CCDC57: variants seen among roughly 807,000 people sequenced by gnomAD.
CCDC57 encodes coiled-coil domain-containing protein 57.
In CCDC57, 118 loss-of-function variants were observed where a neutral mutation model predicts 118.9. That is an observed-to-expected ratio of 0.99 (90% CI 0.86 to 1.16). CCDC57 has a LOEUF of 1.16. Ranked by LOEUF, CCDC57 falls within the 50% of genes most tolerant of loss-of-function variation. CCDC57 has a pLI of 0.00. For missense variants in CCDC57, 1,300 were observed against 1,320.7 expected (o/e 0.98, Z 0.24); for synonymous variants, 527 against 532.9 (o/e 0.99, Z 0.15).
intron 2 of CCDC57, among the ~76,000 whole-genome samples, chr17:82,202,457 C>CA (rs1264175436): frequency 1.6e-4 from 23 of 143,756 alleles, no homozygotes; most frequent in East Asian, 8.4e-4. Context: ...ACAAAATAAA[C>CA]AAAAAAAAAA....
chr17:82,128,477 G>T lies in CCDC57; in HGVS notation c.2682+16C>A. On this transcript the variant is annotated intron_variant, in intron 18 of 19. Coordinates refer to ENST00000665763, the Ensembl canonical transcript of CCDC57. ...ACCCCACACAGCTGCACTTGCTCGGGCGCCGCCACTCTCACCTTCGGGCCT... is the reference window on the plus strand; with the variant it reads ...ACCCCACACAGCTGCACTTGCTCGGTCGCCGCCACTCTCACCTTCGGGCCT... The T allele has an allele frequency of 6.5e-7, 1 of 1,532,396 alleles. No individual in the cohort carries two copies. The highest frequency in any genetic ancestry group is 8.8e-7 in the Non-Finnish European group (1 of 1,132,422). 94.9% of individuals were successfully genotyped at this position (1,532,396 alleles called of 1,614,324 possible).
chr17:82,209,163 A>G (rs2049999162), intron 1 of CCDC57, among the ~76,000 whole-genome samples: 1 of 152,182 alleles, frequency 6.6e-6, no homozygotes, highest in South Asian at 2.1e-4. Context: ...GATGGGCAGT[A>G]GGTCTGAATT....
At chr17:82,128,447 GCCACACC>G in intron 18 of CCDC57, 39 bp downstream of exon 17, 1 of 1,396,038 alleles carries the variant, frequency 7.2e-7, no homozygotes, top group Non-Finnish European at 9.8e-7. Flanking sequence ...TTCCCTGCTG[GCCACACC>G]CCACACAGCT....
intron 13 of CCDC57, among the ~76,000 whole-genome samples, chr17:82,171,352 G>A (rs2044699027): frequency 6.8e-6 from 1 of 147,258 alleles, no homozygotes; most frequent in African/African-American, 2.5e-5. Flanking sequence ...CACCAAAACA[G>A]GGAGGGCTGA....
intron 19 of CCDC57, among the ~76,000 whole-genome samples, chr17:82,120,488 C>T (rs926779480): frequency 9.2e-5 from 14 of 152,256 alleles, no homozygotes; most frequent in Non-Finnish European, 1.9e-4. Flanking sequence ...AGTGTCGCAT[C>T]TTAACCAGAA....
At chr17:82,139,161 A>G (rs2039688930) in intron 16 of CCDC57, among the ~76,000 whole-genome samples, 1 of 152,218 alleles carries the variant, frequency 6.6e-6, no homozygotes, top group Non-Finnish European at 1.5e-5. Flanking sequence ...GGCATCTTTG[A>G]AAACAGCGTC....
chr17:82,208,637 G>C (rs761056759), intron 1 of CCDC57, among the ~76,000 whole-genome samples: 2 of 151,874 alleles, frequency 1.3e-5, no homozygotes, highest in Non-Finnish European at 2.9e-5. Context: ...CAGGACAGAG[G>C]ACTCAATCTC....
At chr17:82,206,473 G>A (rs570367461) in intron 2 of CCDC57, among the ~76,000 whole-genome samples, 3 of 152,260 alleles carry the variant, frequency 2.0e-5, no homozygotes, top group East Asian at 1.9e-4. Flanking sequence ...CCTCTACCCT[G>A]GGGGAAGGAA....
intron 16 of CCDC57, among the ~76,000 whole-genome samples, chr17:82,148,793 T>TG (rs1362111674): frequency 1.1e-4 from 2 of 18,400 alleles, no homozygotes; most frequent in Non-Finnish European, 1.8e-4. Context: ...GGTGGATAGA[T>TG]GGTAGATGGA....
At chr17:82,152,904 C>A (rs1568283728) in intron 15 of CCDC57, among the ~76,000 whole-genome samples, 1 of 152,148 alleles carries the variant, frequency 6.6e-6, no homozygotes, top group Non-Finnish European at 1.5e-5. Flanking sequence ...TCGGGGGCCG[C>A]GGGGGATGAC....
Position 82,157,664 on chromosome 17 carries a change from C to T in CCDC57, c.2241+84G>A. The T allele has an allele frequency of 2.7e-6, 4 of 1,495,300 alleles. No individual in the cohort carries two copies. In the South Asian group the frequency reaches 4.0e-5, roughly 15 times the overall value. The allele number at this position is 1,495,300 out of a possible 1,614,324, so 92.6% of individuals were successfully genotyped here. A position where few individuals can be genotyped will look rare whatever the true frequency, so the allele number is the denominator to read the frequency against. The stretch of plus-strand genomic sequence containing the variant: ...CACCTGAGCTCCCAGGGCATACAGA[C>T]AGCAACGCTGGCAGAGCACAGGCAA... On this transcript the variant is annotated intron_variant, in intron 15 of 19. Transcript: ENST00000665763.
chr17:82,101,505 C>T (rs749648939), downstream of CCDC57: 3 of 579,714 alleles, frequency 5.2e-6, no homozygotes, highest in Admixed American at 3.4e-5. Context: ...GGGCCCTGTG[C>T]TCAGGGAGGC....
At chr17:82,110,484 G>A (rs1447651853) in intron 19 of CCDC57, among the ~76,000 whole-genome samples, 11 of 152,108 alleles carry the variant, frequency 7.2e-5, no homozygotes, top group Non-Finnish European at 1.3e-4. Context: ...ATTCATCAAC[G>A]GGGACTGGTT....
intron 13 of CCDC57, among the ~76,000 whole-genome samples, chr17:82,169,749 A>G (rs8073351): frequency 0.47 from 70,937 of 152,082 alleles, 17,346 homozygotes; most frequent in East Asian, 0.88. Context: ...GTTTCTCATT[A>G]TTGGGAAAGG....
intron 15 of CCDC57, chr17:82,156,281 ACT>A (rs1240282106): frequency 7.2e-6 from 1 of 139,376 alleles, no homozygotes; most frequent in Non-Finnish European, 1.5e-5. Flanking sequence ...ACAGTGTGAG[ACT>A]CTGTCTCAAA....
intron 9 of CCDC57, among the ~76,000 whole-genome samples, chr17:82,182,165 T>C (rs552296674): frequency 5.1e-4 from 78 of 152,300 alleles, no homozygotes; most frequent in African/African-American, 1.6e-3. Context: ...CATGTTTTTT[T>C]TCTTCTGCAT....
chr17:82,109,965 A>G (rs911740566), intron 19 of CCDC57, among the ~76,000 whole-genome samples: 2 of 151,854 alleles, frequency 1.3e-5, no homozygotes, highest in East Asian at 1.9e-4. Flanking sequence ...AGAAAACGTC[A>G]TAAGAGGCAA....
At chr17:82,137,013 C>CTTTTT (rs36143411) in intron 16 of CCDC57, among the ~76,000 whole-genome samples, 2 of 125,212 alleles carry the variant, frequency 1.6e-5, no homozygotes, top group African/African-American at 6.0e-5. Flanking sequence ...TGGTGTACTA[C>CTTTTT]TTTTTTTTTT....
chr17:82,165,410 T>C (rs2146131662), intron 13 of CCDC57, among the ~76,000 whole-genome samples: 1 of 150,912 alleles, frequency 6.6e-6, no homozygotes, highest in East Asian at 2.0e-4. Flanking sequence ...ATCCCAGGGG[T>C]GGCTGGCAAG....
Sources: gnomAD v4.1 joint callset for allele counts (sites outside exome capture counted in the v4.1 genomes callset) on GRCh38, gnomAD v4.1.1 for gene constraint, MANE v1.5 for transcripts, NCBI Gene and HGNC (gene_info 2026-07-23, HGNC 2026-07-21) for gene names.